Variants in NTM observed in about 807,000 individuals in gnomAD.
The protein encoded by NTM is neurotrimin.
In NTM, 13 loss-of-function variants were observed where a neutral mutation model predicts 42.1. The ratio of observed to expected loss-of-function variants is 0.31; its 90% CI spans 0.20 to 0.49. The LOEUF (loss-of-function observed/expected upper bound fraction) is 0.49, where lower values mean the gene tolerates loss of function less well. Among genes scored for constraint, NTM ranks in the 20% least tolerant of loss-of-function variants. The pLI is 0.99. For synonymous variants in NTM, 187 were observed against 179.2 expected (o/e 1.04, Z -0.35); for missense variants, 373 against 452.8 (o/e 0.82, Z 1.60).
At chr11:132,292,991 G>A (rs1034987116) in intron 4 of NTM, among the ~76,000 whole-genome samples, 1 of 151,956 alleles carries the variant, frequency 6.6e-6, no homozygotes, top group South Asian at 2.1e-4. Context: ...TGTGGAGTAG[G>A]TCACAGAAGA....
At chr11:132,302,221 C>T (rs966294406) in intron 4 of NTM, among the ~76,000 whole-genome samples, 1 of 152,122 alleles carries the variant, frequency 6.6e-6, no homozygotes. Flanking sequence ...GCTGTATTTC[C>T]AAAAAGTTGG....
intron 1 of NTM, among the ~76,000 whole-genome samples, chr11:131,808,977 T>C (rs1015252504): frequency 1.3e-5 from 2 of 152,200 alleles, no homozygotes; most frequent in African/African-American, 4.8e-5. Context: ...TACCTAGCAA[T>C]GCTAATGTGA....
chr11:131,890,193 T>TCTCA (rs1555167756), intron 1 of NTM, among the ~76,000 whole-genome samples: 3,856 of 150,286 alleles, frequency 0.026, 179 homozygotes, highest in African/African-American at 0.089. Context: ...TCTCTCTCTC[T>TCTCA]CACACACACA....
chr11:131,642,218 A>G (rs1000819924), intron 1 of NTM, among the ~76,000 whole-genome samples: 2 of 152,140 alleles, frequency 1.3e-5, no homozygotes, highest in East Asian at 3.9e-4. Context: ...ACAGACATGA[A>G]GGTGTGGGAA....
At chr11:132,033,294 T>C (rs2076146300) in intron 2 of NTM, among the ~76,000 whole-genome samples, 2 of 152,214 alleles carry the variant, frequency 1.3e-5, no homozygotes, top group African/African-American at 4.8e-5. Flanking sequence ...ATTTTTGTCA[T>C]GCACCAAATG....
At chr11:131,776,766 A>G (rs1205123175) in intron 1 of NTM, among the ~76,000 whole-genome samples, 1 of 152,194 alleles carries the variant, frequency 6.6e-6, no homozygotes, top group Non-Finnish European at 1.5e-5. Flanking sequence ...TTTCCGCCAC[A>G]TGGTGTCACA....
chr11:131,854,616 A>G (rs868424984), intron 1 of NTM, among the ~76,000 whole-genome samples: 1 of 152,166 alleles, frequency 6.6e-6, no homozygotes, highest in Non-Finnish European at 1.5e-5. Context: ...CTTGGAGCCC[A>G]GTGTGGGAGG....
intron 1 of NTM, among the ~76,000 whole-genome samples, chr11:131,503,996 G>A (rs1391636160): frequency 1.3e-5 from 2 of 152,310 alleles, no homozygotes; most frequent in South Asian, 2.1e-4. Context: ...AGAGCATGAA[G>A]TCCAAAGACA....
Position 132,069,675 on chromosome 11 carries a change from C to A in NTM, c.168-76607C>A, listed in dbSNP as rs568086167. Among the ~76,000 whole-genome samples the A allele has an allele frequency of 3.3e-3, 488 of 147,936 alleles. 6 individuals are homozygous for A. The highest frequency in any genetic ancestry group is 0.012 in the African/African-American group (469 of 38,788). ...AGCCAAGTTAACACGTCACACTGAC[C>A]ATCACAGGTTAGTTAACACGTCACA... On this transcript the variant is annotated intron_variant, in intron 2 of 8. Transcript: ENST00000683400.
At chr11:132,293,411 T>C (rs954816886) in intron 4 of NTM, among the ~76,000 whole-genome samples, 6 of 152,008 alleles carry the variant, frequency 3.9e-5, no homozygotes, top group African/African-American at 1.2e-4. Context: ...GAGAGTGAGG[T>C]GGAGGCATCT....
At chr11:132,008,595 G>T (rs1048889764) in intron 2 of NTM, among the ~76,000 whole-genome samples, 37 of 152,002 alleles carry the variant, frequency 2.4e-4, no homozygotes, top group Admixed American at 6.6e-4. Flanking sequence ...GTGCTGAGGG[G>T]TTTGGAGCCT....
intron 1 of NTM, among the ~76,000 whole-genome samples, chr11:131,789,920 C>T (rs1470304349): frequency 7.7e-6 from 1 of 130,344 alleles, no homozygotes; most frequent in Non-Finnish European, 1.5e-5. Flanking sequence ...CGCGCCACTG[C>T]ACTCCAGCCT....
Position 132,097,572 on chromosome 11 carries a change from T to G in NTM, c.168-48710T>G, listed in dbSNP as rs1434881330. On this transcript the variant is annotated intron_variant, in intron 2 of 8. Transcript: ENST00000683400. ...GGTTTCTTTGGTGATACCTCAGTTG[T>G]AACTTCTATTGTGTTGACATAACAA... 2.0e-5 allele frequency among the ~76,000 whole-genome samples: 3 copies of G among 152,244 alleles called. No homozygotes were observed. The East Asian group carries it at 5.8e-4, about 29-fold the overall frequency.
At chr11:132,014,328 A>G (rs901432631) in intron 2 of NTM, among the ~76,000 whole-genome samples, 1 of 152,100 alleles carries the variant, frequency 6.6e-6, no homozygotes, top group Non-Finnish European at 1.5e-5. Context: ...CATCTTTGCT[A>G]TTGTGAACAG....
At chr11:131,731,786 G>T (rs1300017136) in intron 1 of NTM, among the ~76,000 whole-genome samples, 1 of 152,184 alleles carries the variant, frequency 6.6e-6, no homozygotes, top group African/African-American at 2.4e-5. Flanking sequence ...AGGAGAAAGG[G>T]CCTCCTCAGC....
intron 3 of NTM, among the ~76,000 whole-genome samples, chr11:132,166,315 T>C (rs1037204287): frequency 1.9e-4 from 29 of 152,172 alleles, no homozygotes; most frequent in African/African-American, 7.0e-4. Flanking sequence ...TCTCTATTAG[T>C]GAGACCTCAT....
intron 1 of NTM, among the ~76,000 whole-genome samples, chr11:131,518,538 A>G (rs1434172287): frequency 3.3e-5 from 5 of 152,194 alleles, no homozygotes; most frequent in African/African-American, 9.7e-5. Context: ...GAAGCATGCT[A>G]TTAATAGGAC....
chr11:131,566,791 A>T (rs1412618828), intron 1 of NTM, among the ~76,000 whole-genome samples: 1 of 152,160 alleles, frequency 6.6e-6, no homozygotes, highest in African/African-American at 2.4e-5. Flanking sequence ...TCTGAAAAAG[A>T]GAGAGGGGGA....
At chr11:131,994,057 A>G (rs965873792) in intron 2 of NTM, among the ~76,000 whole-genome samples, 1 of 152,026 alleles carries the variant, frequency 6.6e-6, no homozygotes, top group East Asian at 1.9e-4. Flanking sequence ...AAACAGCAGC[A>G]TAATAGAAAT....
Sources: gnomAD v4.1 joint callset for allele counts (sites outside exome capture counted in the v4.1 genomes callset) on GRCh38, gnomAD v4.1.1 for gene constraint, MANE v1.5 for transcripts, NCBI Gene and HGNC (gene_info 2026-07-23, HGNC 2026-07-21) for gene names.